The following PDE4D variants were observed in gnomAD, a reference collection of about 807,000 sequenced individuals.
PDE4D encodes 3',5'-cyclic-AMP phosphodiesterase 4D.
PDE4D carries 24 observed loss-of-function variants against 87.4 expected under a neutral mutation model. That is an observed-to-expected ratio of 0.27 (90% CI 0.20 to 0.39). The LOEUF (loss-of-function observed/expected upper bound fraction) is 0.39, where lower values mean the gene tolerates loss of function less well. Among genes scored for constraint, PDE4D ranks in the 10% least tolerant of loss-of-function variants. The pLI is 1.00. For missense variants in PDE4D, 714 were observed against 1,041.0 expected (o/e 0.69, Z 4.32); for synonymous variants, 384 against 383.2 (o/e 1.00, Z -0.02).
chr5:59,424,520 A>G (rs1288999080), intron 1 of PDE4D, among the ~76,000 whole-genome samples: 1 of 152,172 alleles, frequency 6.6e-6, no homozygotes, highest in Non-Finnish European at 1.5e-5. Flanking sequence ...ACTTACAATC[A>G]TGGTGGAAAG....
chr5:60,468,130 C>CTTTTTTTTTTTTTTTTTTTTTTT (rs370784270), intron 1 of PDE4D, among the ~76,000 whole-genome samples: 1 of 126,186 alleles, frequency 7.9e-6, no homozygotes, highest in African/African-American at 3.1e-5. Flanking sequence ...AACTTTCTTT[C>CTTTTTTTTTTTTTTTTTTTTTTT]TTTTTTCTTT....
intron 1 of PDE4D, among the ~76,000 whole-genome samples, chr5:60,472,854 T>C (rs1747915400): frequency 6.6e-6 from 1 of 152,210 alleles, no homozygotes. Context: ...CTTTATTACA[T>C]GATTTACATT....
At chr5:60,155,346 GC>G (rs1781874849) in intron 2 of PDE4D, among the ~76,000 whole-genome samples, 1 of 152,086 alleles carries the variant, frequency 6.6e-6, no homozygotes, top group Admixed American at 6.5e-5. Context: ...ATTAGATTGA[GC>G]CCCTTTTTAT....
In PDE4D at chr5:59,303,468, G is replaced by A. The variant is rs192862888; in HGVS notation, c.456-87500C>T. Among the ~76,000 whole-genome samples the A allele has an allele frequency of 1.7e-3, 252 of 152,216 alleles. 1 individual carries two copies. The highest frequency in any genetic ancestry group is 5.8e-3 in the African/African-American group (240 of 41,554). The stretch of plus-strand genomic sequence containing the variant: ...TCTTGGTCATGAAATCCTTGCCTAA[G>A]CCAATGTCTAGAAGGGTTTTTCCAA... On this transcript the variant is annotated intron_variant, in intron 1 of 14. Coordinates refer to ENST00000340635, the MANE Select transcript of PDE4D (RefSeq NM_001104631.2).
At chr5:59,586,587 A>G in intron 1 of PDE4D, 2 of 1,364,400 alleles carry the variant, frequency 1.5e-6, no homozygotes, top group Non-Finnish European at 9.4e-7. Flanking sequence ...AAAAAGAAAC[A>G]TCACAGAGCA....
Position 59,327,543 on chromosome 5 carries a change from T to C in PDE4D, c.456-111575A>G, listed in dbSNP as rs200151267. On this transcript the variant is annotated intron_variant, in intron 1 of 14. Transcript: ENST00000340635. ...TTAGGCAGGCCCAAAAATGAAAAAATTGAAAATTAATAAACCAGAACCTAG... is the reference window on the plus strand; with the variant it reads ...TTAGGCAGGCCCAAAAATGAAAAAACTGAAAATTAATAAACCAGAACCTAG... Among the ~76,000 whole-genome samples, 17 of 152,190 alleles carry C rather than the reference T, an allele frequency of 1.1e-4. No homozygotes were observed. The East Asian group carries it at 3.1e-3, about 28-fold the overall frequency.
chr5:58,993,983 T>C (rs1748563025), intron 6 of PDE4D, among the ~76,000 whole-genome samples: 1 of 152,190 alleles, frequency 6.6e-6, no homozygotes, highest in Non-Finnish European at 1.5e-5. Context: ...CAGAAATGAA[T>C]ATATATACTG....
intron 3 of PDE4D, among the ~76,000 whole-genome samples, chr5:59,189,423 G>A (rs1743808123): frequency 6.6e-6 from 1 of 151,660 alleles, no homozygotes; most frequent in South Asian, 2.1e-4. Flanking sequence ...GTTTCTCCAG[G>A]GATCCAGCAT....
chr5:60,068,576 T>C (rs1349674149), intron 2 of PDE4D, among the ~76,000 whole-genome samples: 3 of 151,882 alleles, frequency 2.0e-5, no homozygotes, highest in African/African-American at 7.3e-5. Flanking sequence ...TTGATTCATA[T>C]CATTATTTTA....
chr5:60,104,561 A>G (rs1247052176), intron 2 of PDE4D, among the ~76,000 whole-genome samples: 1 of 152,222 alleles, frequency 6.6e-6, no homozygotes, highest in African/African-American at 2.4e-5. Context: ...GTGCCTCCTC[A>G]AGTGGGTCCC....
intron 3 of PDE4D, among the ~76,000 whole-genome samples, chr5:59,965,200 C>G (rs969191023): frequency 1.3e-5 from 2 of 152,140 alleles, no homozygotes; most frequent in African/African-American, 2.4e-5. Context: ...CCTGCAACAT[C>G]AATTTTTCCC....
At chr5:59,661,443 C>T (rs190253977) in intron 1 of PDE4D, among the ~76,000 whole-genome samples, 6 of 152,228 alleles carry the variant, frequency 3.9e-5, no homozygotes, top group Non-Finnish European at 8.8e-5. Context: ...TTGACATGTC[C>T]AGCCCACATG....
chr5:59,864,335 G>A lies in PDE4D; in HGVS notation c.455+28833C>T, dbSNP rs550383786. On this transcript the variant is annotated intron_variant, in intron 1 of 14. Transcript: ENST00000340635. ...TATGACAATTTTTGCAATTGAAATC[G>A]TAAATGTGTTGGCTATTATTTCTTT... Among the ~76,000 whole-genome samples, 7 of 152,248 alleles carry A rather than the reference G, an allele frequency of 4.6e-5. No individual in the cohort carries two copies. In the East Asian group the frequency reaches 7.7e-4, roughly 17 times the overall value.
intron 1 of PDE4D, among the ~76,000 whole-genome samples, chr5:59,566,571 T>C (rs1216147735): frequency 1.5e-5 from 2 of 131,550 alleles, no homozygotes; most frequent in Admixed American, 7.6e-5. Flanking sequence ...TGTGTGTGTG[T>C]GTGTGTGTGT....
At chr5:59,125,994 AATTT>A (rs1775331871) in intron 5 of PDE4D, among the ~76,000 whole-genome samples, 1 of 151,884 alleles carries the variant, frequency 6.6e-6, no homozygotes, top group South Asian at 2.1e-4. Context: ...CACAATCATA[AATTT>A]GAGAGCAAGG....
intron 1 of PDE4D, among the ~76,000 whole-genome samples, chr5:59,565,897 G>A (rs1290246944): frequency 6.6e-6 from 1 of 152,152 alleles, no homozygotes; most frequent in African/African-American, 2.4e-5. Flanking sequence ...CAAGACAGCA[G>A]AGCATAGTGA....
chr5:59,035,751 G>C lies in PDE4D; in HGVS notation c.921+3108C>G, dbSNP rs1457494272. Among the ~76,000 whole-genome samples, 4 of 152,270 alleles carry C rather than the reference G, an allele frequency of 2.6e-5. No individual in the cohort carries two copies. In the East Asian group the frequency reaches 7.7e-4, roughly 29 times the overall value. Reference sequence around the variant, plus strand: ...AAACAAAACCATAATTCAACTTCCAGGTTTGCCTGCCTCCAAAGCTTTGAG... The same window carrying C: ...AAACAAAACCATAATTCAACTTCCACGTTTGCCTGCCTCCAAAGCTTTGAG... On this transcript the variant is annotated intron_variant, in intron 6 of 14. Transcript: ENST00000340635.
chr5:59,102,267 G>A (rs1431674930), intron 5 of PDE4D, among the ~76,000 whole-genome samples: 1 of 151,540 alleles, frequency 6.6e-6, no homozygotes, highest in Admixed American at 6.6e-5. Flanking sequence ...TTTATTTTTA[G>A]TAGAGATGGG....
chr5:59,456,669 A>C (rs574436987), intron 1 of PDE4D, among the ~76,000 whole-genome samples: 1 of 152,292 alleles, frequency 6.6e-6, no homozygotes, highest in South Asian at 2.1e-4. Flanking sequence ...TATATGGATA[A>C]AGAAAATTAA....
Sources: gnomAD v4.1 joint callset for allele counts (sites outside exome capture counted in the v4.1 genomes callset) on GRCh38, gnomAD v4.1.1 for gene constraint, MANE v1.5 for transcripts, NCBI Gene and HGNC (gene_info 2026-07-23, HGNC 2026-07-21) for gene names.